OR5T3: variants seen among roughly 807,000 people sequenced by gnomAD.
OR5T3 encodes olfactory receptor 5T3.
OR5T3 carries 14 observed loss-of-function variants against 14.0 expected under a neutral mutation model. The ratio of observed to expected loss-of-function variants is 1.00; its 90% CI spans 0.66 to 1.56. The LOEUF (loss-of-function observed/expected upper bound fraction) is 1.56, where lower values mean the gene tolerates loss of function less well. OR5T3 is among the 40% of genes most tolerant of loss of function. The pLI, the probability that OR5T3 is intolerant of heterozygous loss-of-function variation, is 0.00. For missense variants in OR5T3, 410 were observed against 374.2 expected (o/e 1.10, Z -0.79); for synonymous variants, 150 against 137.2 (o/e 1.09, Z -0.65).
Position 56,252,877 on chromosome 11 carries a change from G to A in OR5T3, c.624G>A (p.Gln208=). 6.2e-7 allele frequency: 1 copy of A among 1,613,720 alleles called. No homozygotes were observed. Among genetic ancestry groups the A allele is most frequent in the South Asian group, 1.1e-5 (1 of 91,082 alleles). The change falls in exon 1 of 1, where the codon CAG becomes CAA. Residue 208 remains glutamine (Q), a synonymous_variant. Coordinates refer to ENST00000313033, the MANE Select transcript of OR5T3 (RefSeq NM_001004747.2). ...CTTGTTCTGACACTCACACAAACCA[G>A]CTTCTACTCTTCTACTTTGTGGGTT... ...AISCSDTHTN[Q]LLLFYFVGSI...
chr11:56,252,381 T>G lies in OR5T3; in HGVS notation c.128T>G (p.Phe43Cys). The change falls in exon 1 of 1, where the codon TTT (phenylalanine) becomes TGT (cysteine). Residue 43 changes from phenylalanine (F) to cysteine (C), a missense_variant. Coordinates refer to ENST00000313033, the MANE Select transcript of OR5T3 (RefSeq NM_001004747.2). Reference sequence around the variant, plus strand: ...CTGCAAGTCTTCCTATTTTTACTATTTTTTGCAATCTATCTCTTTACCTTG... The same window carrying G: ...CTGCAAGTCTTCCTATTTTTACTATGTTTTGCAATCTATCTCTTTACCTTG... ...FELQVFLFLL[F>C]FAIYLFTLIG... 6.2e-7 allele frequency: 1 copy of G among 1,613,688 alleles called. No individual in the cohort carries two copies. The highest frequency in any genetic ancestry group is 8.5e-7 in the Non-Finnish European group (1 of 1,179,710).
chr11:56,252,812 A>C lies in OR5T3; in HGVS notation c.559A>C (p.Arg187=). The change falls in exon 1 of 1, where the codon AGG becomes CGG. Residue 187 remains arginine (R), a synonymous_variant. Transcript: ENST00000313033. ...SLSFCGSNEI[R]HVFCDMPPLL... ...GTCCTTCTGTGGATCCAATGAAATT[A>C]GGCATGTCTTTTGTGATATGCCTCC... The C allele has an allele frequency of 6.2e-7, 1 of 1,613,868 alleles. No individual in the cohort carries two copies. Among genetic ancestry groups the C allele is most frequent in the East Asian group, 2.2e-5 (1 of 44,884 alleles).
rs761098861 is a variant in OR5T3, at chr11:56,252,377, C to T, written c.124C>T (p.Leu42=). ...DFELQVFLFL[L]FFAIYLFTLI... ...TGAGCTGCAAGTCTTCCTATTTTTA[C>T]TATTTTTTGCAATCTATCTCTTTAC... is the stretch of plus-strand genomic sequence containing the variant. The change falls in exon 1 of 1, where the codon CTA becomes TTA. Residue 42 remains leucine (L), a synonymous_variant. Transcript: ENST00000313033. 2 of 1,613,556 alleles carry T rather than the reference C, an allele frequency of 1.2e-6. No homozygotes were observed. The highest frequency in any genetic ancestry group is 1.7e-6 in the Non-Finnish European group (2 of 1,179,634).
At position 56,252,804 on chromosome 11, in the gene OR5T3, A is replaced by G. The variant is rs1434931786; in HGVS notation, c.551A>G (p.Asn184Ser). 5.0e-6 allele frequency: 8 copies of G among 1,613,732 alleles called. No homozygotes were observed. Among genetic ancestry groups the G allele is most frequent in the Non-Finnish European group, 6.8e-6 (8 of 1,179,830 alleles). Residue 184 changes from asparagine (N) to serine (S), a missense_variant, in exon 1 of 1, where the codon AAT (asparagine) becomes AGT (serine). By Grantham distance (46) the Asn-to-Ser change is conservative. Transcript: ENST00000313033. ...TTTAGCCTGTCCTTCTGTGGATCCA[A>G]TGAAATTAGGCATGTCTTTTGTGAT... ...ATFSLSFCGS[N>S]EIRHVFCDMP...
chr11:56,252,372 T>G lies in OR5T3; in HGVS notation c.119T>G (p.Phe40Cys). 3 of 1,613,616 alleles carry G rather than the reference T, an allele frequency of 1.9e-6. No individual in the cohort carries two copies. In the South Asian group the frequency reaches 3.3e-5, roughly 18 times the overall value. ...TDDFELQVFL[F>C]LLFFAIYLFT... Reference sequence around the variant, plus strand: ...GATTTTGAGCTGCAAGTCTTCCTATTTTTACTATTTTTTGCAATCTATCTC... The same window carrying G: ...GATTTTGAGCTGCAAGTCTTCCTATGTTTACTATTTTTTGCAATCTATCTC... Residue 40 changes from phenylalanine to cysteine, a missense_variant, in exon 1 of 1, where the codon TTT becomes TGT. By Grantham distance (205) the Phe-to-Cys change is radical. Coordinates refer to ENST00000313033, the MANE Select transcript of OR5T3 (RefSeq NM_001004747.2).
rs1305515899 is a variant in OR5T3, at chr11:56,252,775, T to A, written c.522T>A (p.Ala174=). The part of the protein sequence containing the change: ...GILHATIHIV[A]TFSLSFCGSN... ...TACATGCTACTATACATATAGTGGC[T>A]ACATTTAGCCTGTCCTTCTGTGGAT... The change falls in exon 1 of 1, where the codon GCT becomes GCA. Residue 174 remains alanine, a synonymous_variant. Transcript: ENST00000313033. 6.2e-7 allele frequency: 1 copy of A among 1,613,448 alleles called. No homozygotes were observed. Among genetic ancestry groups the A allele is most frequent in the African/African-American group, 1.3e-5 (1 of 74,666 alleles).
Position 56,252,466 on chromosome 11 carries a change from G to A in OR5T3, c.213G>A (p.Met71Ile), listed in dbSNP as rs1334238542. 3.1e-6 allele frequency: 5 copies of A among 1,613,816 alleles called. No individual in the cohort carries two copies. The highest frequency in any genetic ancestry group is 1.1e-5 in the South Asian group (1 of 91,076). The stretch of plus-strand genomic sequence containing the variant: ...AGGATTCCTGGCTCCACAACCCCAT[G>A]TATTATTTTCTTAGTGTTTTATCAT... Reference protein sequence around the residue: ...VIEDSWLHNPMYYFLSVLSFL... With the variant: ...VIEDSWLHNPIYYFLSVLSFL... The change falls in exon 1 of 1, where the codon ATG (methionine) becomes ATA (isoleucine). Residue 71 changes from methionine (M) to isoleucine (I), a missense_variant. Transcript: ENST00000313033.
chr11:56,252,702 C>T lies in OR5T3; in HGVS notation c.449C>T (p.Pro150Leu). 6.2e-7 allele frequency: 1 copy of T among 1,613,306 alleles called. No homozygotes were observed. The highest frequency in any genetic ancestry group is 8.5e-7 in the Non-Finnish European group (1 of 1,179,842). Residue 150 changes from proline (P) to leucine (L), a missense_variant, in exon 1 of 1, where the codon CCC (proline) becomes CTC (leucine). By Grantham distance (98) the Pro-to-Leu change is moderately conservative. Coordinates refer to ENST00000313033, the MANE Select transcript of OR5T3 (RefSeq NM_001004747.2). Reference protein sequence around the residue: ...NPLLYSVSMSPRVYVPLITAS... With the variant: ...NPLLYSVSMSLRVYVPLITAS... ...CTCCTGTATTCAGTGAGCATGTCAC[C>T]CAGAGTCTATGTGCCACTCATCACT...
chr11:56,252,750 T>C lies in OR5T3; in HGVS notation c.497T>C (p.Leu166Ser), dbSNP rs1853589879. 1 of 1,613,800 alleles carries C rather than the reference T, an allele frequency of 6.2e-7. No homozygotes were observed. The highest frequency in any genetic ancestry group is 1.6e-4 in the Middle Eastern group (1 of 6,084). The change falls in exon 1 of 1, where the codon TTA (leucine) becomes TCA (serine). Residue 166 changes from leucine to serine, a missense_variant. Transcript: ENST00000313033. ...LITASYVAGI[L>S]HATIHIVATF... ...ACTGCTTCCTACGTTGCTGGCATTTTACATGCTACTATACATATAGTGGCT... is the reference window on the plus strand; with the variant it reads ...ACTGCTTCCTACGTTGCTGGCATTTCACATGCTACTATACATATAGTGGCT...
rs1217327222 is a variant in OR5T3, at chr11:56,252,357, T to C, written c.104T>C (p.Leu35Pro). The change falls in exon 1 of 1, where the codon CTG becomes CCG. Residue 35 changes from leucine (L) to proline (P), a missense_variant. Physicochemically the swap from Leu to Pro is moderately conservative, Grantham distance 98. Transcript: ENST00000313033. ...ILTGFTDDFELQVFLFLLFFA... is the reference protein window; with the variant it reads ...ILTGFTDDFEPQVFLFLLFFA... ...ACAGGCTTCACAGATGATTTTGAGC[T>C]GCAAGTCTTCCTATTTTTACTATTT... The C allele has an allele frequency of 6.2e-7, 1 of 1,613,764 alleles. No homozygotes were observed. The highest frequency in any genetic ancestry group is 8.5e-7 in the Non-Finnish European group (1 of 1,179,734).
Position 56,252,975 on chromosome 11 carries a change from A to G in OR5T3, c.722A>G (p.His241Arg), listed in dbSNP as rs781721049. The change falls in exon 1 of 1, where the codon CAT becomes CGT. Residue 241 changes from histidine to arginine, a missense_variant. His to Arg is a conservative substitution (Grantham distance 29, BLOSUM62 0). Transcript: ENST00000313033. Reference protein sequence around the residue: ...DFILLSILKMHSAKGRQKAFS... With the variant: ...DFILLSILKMRSAKGRQKAFS... ...ATTCTGTTGTCCATTCTGAAGATGCATTCTGCTAAGGGAAGGCAAAAGGCC... is the reference window on the plus strand; with the variant it reads ...ATTCTGTTGTCCATTCTGAAGATGCGTTCTGCTAAGGGAAGGCAAAAGGCC... 10 of 1,613,790 alleles carry G rather than the reference A, an allele frequency of 6.2e-6. No individual in the cohort carries two copies. Among genetic ancestry groups the G allele is most frequent in the Non-Finnish European group, 7.6e-6 (9 of 1,179,774 alleles).
rs768581007 is a variant in OR5T3, at chr11:56,253,215, A to G, written c.962A>G (p.Tyr321Cys). 3.3e-6 allele frequency: 5 copies of G among 1,522,364 alleles called. No homozygotes were observed. In the Admixed American group the frequency reaches 1.0e-4, roughly 31 times the overall value. The allele number at this position is 1,522,364 out of a possible 1,614,324, so 94.3% of individuals were successfully genotyped here. A position where few individuals can be genotyped will look rare whatever the true frequency, so the allele number is the denominator to read the frequency against. The change falls in exon 1 of 1, where the codon TAC becomes TGC. Residue 321 changes from tyrosine to cysteine, a missense_variant. By Grantham distance (194) the Tyr-to-Cys change is radical. Transcript: ENST00000313033. Reference sequence around the variant, plus strand: ...GTGAAGAAAATGTTGAAATTGGTTTACAAATGAAGAATATATTTAAAATTG... The same window carrying G: ...GTGAAGAAAATGTTGAAATTGGTTTGCAAATGAAGAATATATTTAAAATTG... Reference protein sequence around the residue: ...KAVKKMLKLVYK With the variant: ...KAVKKMLKLVCK
Position 56,252,945 on chromosome 11 carries a change from A to T in OR5T3, c.692A>T (p.Asp231Val). 6.2e-7 allele frequency: 1 copy of T among 1,613,770 alleles called. No individual in the cohort carries two copies. Among genetic ancestry groups the T allele is most frequent in the South Asian group, 1.1e-5 (1 of 91,072 alleles). Residue 231 changes from aspartate to valine, a missense_variant, in exon 1 of 1, where the codon GAT becomes GTT. Transcript: ENST00000313033. Reference sequence around the variant, plus strand: ...ATCCTGATTGTCCTCATTTCCTGTGATTTCATTCTGTTGTCCATTCTGAAG... The same window carrying T: ...ATCCTGATTGTCCTCATTTCCTGTGTTTTCATTCTGTTGTCCATTCTGAAG... ...VTILIVLISC[D>V]FILLSILKMH...
In OR5T3 at chr11:56,252,839, C is replaced by T; in HGVS notation, c.586C>T (p.Leu196Phe). The T allele has an allele frequency of 6.2e-7, 1 of 1,613,858 alleles. No individual in the cohort carries two copies. Among genetic ancestry groups the T allele is most frequent in the South Asian group, 1.1e-5 (1 of 91,070 alleles). ...GCATGTCTTTTGTGATATGCCTCCT[C>T]TCCTTGCTATTTCTTGTTCTGACAC... Reference protein sequence around the residue: ...IRHVFCDMPPLLAISCSDTHT... With the variant: ...IRHVFCDMPPFLAISCSDTHT... Residue 196 changes from leucine to phenylalanine, a missense_variant, in exon 1 of 1, where the codon CTC (leucine) becomes TTC (phenylalanine). By Grantham distance (22) the Leu-to-Phe change is conservative. Transcript: ENST00000313033.
In OR5T3 at chr11:56,252,700, A is replaced by T; in HGVS notation, c.447A>T (p.Ser149=). 6.2e-7 allele frequency: 1 copy of T among 1,613,446 alleles called. No homozygotes were observed. The highest frequency in any genetic ancestry group is 1.3e-5 in the African/African-American group (1 of 74,694). Residue 149 remains serine (S), a synonymous_variant, in exon 1 of 1, where the codon TCA becomes TCT. Coordinates refer to ENST00000313033, the MANE Select transcript of OR5T3 (RefSeq NM_001004747.2). The part of the protein sequence containing the change: ...YNPLLYSVSM[S]PRVYVPLITA... ...CTCTCCTGTATTCAGTGAGCATGTC[A>T]CCCAGAGTCTATGTGCCACTCATCA...
Position 56,252,434 on chromosome 11 carries a change from G to T in OR5T3, c.181G>T (p.Val61Phe), listed in dbSNP as rs1280907420. The change falls in exon 1 of 1, where the codon GTC becomes TTC. Residue 61 changes from valine (V) to phenylalanine (F), a missense_variant. Coordinates refer to ENST00000313033, the MANE Select transcript of OR5T3 (RefSeq NM_001004747.2). ...AGGCAATTTAGGGCTGGTTGTGTTG[G>T]TCATTGAGGATTCCTGGCTCCACAA... ...LIGNLGLVVLVIEDSWLHNPM... is the reference protein window; with the variant it reads ...LIGNLGLVVLFIEDSWLHNPM... The T allele has an allele frequency of 6.2e-7, 1 of 1,613,628 alleles. No individual in the cohort carries two copies. The highest frequency in any genetic ancestry group is 8.5e-7 in the Non-Finnish European group (1 of 1,179,716).
Position 56,253,140 on chromosome 11 carries a change from A to T in OR5T3, c.887A>T (p.Lys296Met), listed in dbSNP as rs1402114616. Residue 296 changes from lysine to methionine, a missense_variant, in exon 1 of 1, where the codon AAG (lysine) becomes ATG (methionine). Lys to Met is a moderately conservative substitution (Grantham distance 95). Transcript: ENST00000313033. ...VSIFYTIVIP[K>M]LNPIIYSLRN... ...ATATTTTACACAATTGTGATTCCCA[A>T]GTTGAATCCCATCATCTATAGTTTG... is the stretch of plus-strand genomic sequence containing the variant. The T allele has an allele frequency of 1.9e-6, 3 of 1,610,086 alleles. No homozygotes were observed. The highest frequency in any genetic ancestry group is 2.5e-6 in the Non-Finnish European group (3 of 1,177,114).
In OR5T3 at chr11:56,252,574, C is replaced by T. The variant is rs267602997; in HGVS notation, c.321C>T (p.Ile107=). Residue 107 remains isoleucine, a synonymous_variant, in exon 1 of 1, where the codon ATC becomes ATT. Transcript: ENST00000313033. Reference sequence around the variant, plus strand: ...CAAAAAATAAATCCATTTCATTTATCGGATGTGCAACACAGATGCTTCTTT... The same window carrying T: ...CAAAAAATAAATCCATTTCATTTATTGGATGTGCAACACAGATGCTTCTTT... The part of the protein sequence containing the change: ...FLAKNKSISF[I]GCATQMLLFV... The T allele has an allele frequency of 1.4e-5, 22 of 1,613,706 alleles. No individual in the cohort carries two copies. Among genetic ancestry groups the T allele is most frequent in the African/African-American group, 6.7e-5 (5 of 74,876 alleles).
At position 56,252,745 on chromosome 11, in the gene OR5T3, C is replaced by A. The variant is rs1853589793; in HGVS notation, c.492C>A (p.Gly164=). The change falls in exon 1 of 1, where the codon GGC becomes GGA. Residue 164 remains glycine, a synonymous_variant. Coordinates refer to ENST00000313033, the MANE Select transcript of OR5T3 (RefSeq NM_001004747.2). ...TCATCACTGCTTCCTACGTTGCTGG[C>A]ATTTTACATGCTACTATACATATAG... The part of the protein sequence containing the change: ...VPLITASYVA[G]ILHATIHIVA... 6.2e-7 allele frequency: 1 copy of A among 1,613,738 alleles called. No individual in the cohort carries two copies. Among genetic ancestry groups the A allele is most frequent in the African/African-American group, 1.3e-5 (1 of 74,884 alleles).
Sources: gnomAD v4.1 joint callset for allele counts on GRCh38, gnomAD v4.1.1 for gene constraint, MANE v1.5 for transcripts, NCBI Gene and HGNC (gene_info 2026-07-23, HGNC 2026-07-21) for gene names.